The following PRKCB variants were observed in gnomAD, a reference collection of about 807,000 sequenced individuals.
PRKCB encodes protein kinase C beta.
Under a neutral mutation model 81.5 loss-of-function variants are expected in PRKCB, and 13 were observed. That is an observed-to-expected ratio of 0.16 (90% CI 0.10 to 0.25). The LOEUF is 0.25. Among genes scored for constraint, PRKCB ranks in the 10% least tolerant of loss-of-function variants. PRKCB has a pLI of 1.00. For missense variants in PRKCB, 509 were observed against 875.7 expected (o/e 0.58, Z 5.29); for synonymous variants, 335 against 321.4 (o/e 1.04, Z -0.45).
intron 2 of PRKCB, among the ~76,000 whole-genome samples, chr16:23,907,338 G>A (rs1230250613): frequency 6.6e-6 from 1 of 152,242 alleles, no homozygotes; most frequent in Non-Finnish European, 1.5e-5. Context: ...AGTGCATGAT[G>A]TGATCATAGC....
chr16:23,903,244 C>A (rs990509045), intron 2 of PRKCB, among the ~76,000 whole-genome samples: 3 of 146,014 alleles, frequency 2.1e-5, no homozygotes, highest in Non-Finnish European at 3.0e-5. Flanking sequence ...GAGTAGGATC[C>A]GGAAGGGAAC....
chr16:23,969,864 G>GGT (rs751356995), intron 2 of PRKCB, among the ~76,000 whole-genome samples: 9 of 151,764 alleles, frequency 5.9e-5, no homozygotes, highest in South Asian at 2.1e-4. Flanking sequence ...GTGATTGATA[G>GGT]GTGTGTGTGT....
chr16:23,837,339 G>T, intron 1 of PRKCB, 36 bp from the exon 2 acceptor site: 3 of 1,613,044 alleles, frequency 1.9e-6, no homozygotes, highest in Non-Finnish European at 2.5e-6. Flanking sequence ...TGGGCCCCCC[G>T]GGCTGCCTGA....
chr16:24,023,623 C>T (rs1965437939), intron 3 of PRKCB, among the ~76,000 whole-genome samples: 1 of 152,154 alleles, frequency 6.6e-6, no homozygotes, highest in Non-Finnish European at 1.5e-5. Context: ...CAGCCTCGGC[C>T]TCCCAAAGTG....
intron 2 of PRKCB, among the ~76,000 whole-genome samples, chr16:23,918,730 C>G (rs1963781244): frequency 6.6e-6 from 1 of 152,096 alleles, no homozygotes; most frequent in South Asian, 2.1e-4. Flanking sequence ...TGAAATGAAA[C>G]TAATATCTAA....
chr16:24,068,648 A>T (rs1327725511), intron 5 of PRKCB, among the ~76,000 whole-genome samples: 1 of 152,242 alleles, frequency 6.6e-6, no homozygotes, highest in Non-Finnish European at 1.5e-5. Context: ...AATATAAAAT[A>T]CAAAATAGAT....
chr16:24,112,890 T>C, intron 7 of PRKCB, 83 bp from the exon 8 acceptor site: 1 of 973,324 alleles, frequency 1.0e-6, no homozygotes, highest in Non-Finnish European at 1.6e-6. Flanking sequence ...GAGCTTTATA[T>C]AGGCCTCCTT....
intron 2 of PRKCB, among the ~76,000 whole-genome samples, chr16:23,889,264 G>A (rs778662893): frequency 6.6e-6 from 1 of 152,154 alleles, no homozygotes; most frequent in Non-Finnish European, 1.5e-5. Context: ...CACTCACCAA[G>A]CATGTGATCT....
At chr16:24,063,878 C>T (rs937683144) in intron 5 of PRKCB, among the ~76,000 whole-genome samples, 1 of 152,062 alleles carries the variant, frequency 6.6e-6, no homozygotes, top group Non-Finnish European at 1.5e-5. Context: ...CCTGAATGCC[C>T]GTTTTTGAAG....
intron 3 of PRKCB, among the ~76,000 whole-genome samples, chr16:24,026,281 C>G (rs2141850338): frequency 6.6e-6 from 1 of 152,308 alleles, no homozygotes; most frequent in African/African-American, 2.4e-5. Flanking sequence ...CATGACAGAG[C>G]AAGACCCTGT....
chr16:24,124,961 A>C (rs1245346410), intron 9 of PRKCB, among the ~76,000 whole-genome samples: 1 of 152,164 alleles, frequency 6.6e-6, no homozygotes, highest in South Asian at 2.1e-4. Flanking sequence ...ATACCACCCA[A>C]ATCTAATCAT....
At chr16:23,904,532 G>A (rs1269068672) in intron 2 of PRKCB, among the ~76,000 whole-genome samples, 1 of 152,080 alleles carries the variant, frequency 6.6e-6, no homozygotes, top group Non-Finnish European at 1.5e-5. Flanking sequence ...ACATGGTTGT[G>A]GGTGCCTGTG....
intron 2 of PRKCB, among the ~76,000 whole-genome samples, chr16:23,887,718 T>C (rs534900811): frequency 1.3e-5 from 2 of 152,366 alleles, no homozygotes; most frequent in South Asian, 4.1e-4. Flanking sequence ...TACCCAGTAA[T>C]GGGAATGCTG....
chr16:23,895,592 A>G (rs1021359296), intron 2 of PRKCB, among the ~76,000 whole-genome samples: 1 of 152,026 alleles, frequency 6.6e-6, no homozygotes, highest in Non-Finnish European at 1.5e-5. Context: ...ATGTACTTTT[A>G]TGTTATAGGA....
intron 16 of PRKCB, among the ~76,000 whole-genome samples, chr16:24,195,988 C>T (rs1181923527): frequency 6.6e-6 from 1 of 152,202 alleles, no homozygotes; most frequent in East Asian, 1.9e-4. Context: ...TGATCCCCAC[C>T]GTGCCTTGCC....
At chr16:24,070,482 C>A (rs1966094055) in intron 5 of PRKCB, among the ~76,000 whole-genome samples, 1 of 152,114 alleles carries the variant, frequency 6.6e-6, no homozygotes, top group African/African-American at 2.4e-5. Flanking sequence ...ATTTAAAAAT[C>A]ATTTATTAAG....
chr16:24,216,961 G>C lies in PRKCB; in HGVS notation c.*2145G>C. 1.6e-5 allele frequency: 16 copies of C among 985,428 alleles called. No individual in the cohort carries two copies. The highest frequency in any genetic ancestry group is 1.9e-5 in the Non-Finnish European group (16 of 829,944). 61.0% of individuals were successfully genotyped at this position (985,428 alleles called of 1,614,324 possible). On this transcript the variant is annotated 3_prime_UTR_variant, in exon 17 of 17. Coordinates refer to ENST00000643927, the MANE Select transcript of PRKCB (RefSeq NM_002738.7). ...AGGCCCACCAACAGGCCCTTATCTG[G>C]TGGTTGGATCATGATCCCATTTTGC...
chr16:24,086,925 CAA>C lies in PRKCB; in HGVS notation c.530-5863_530-5862del, dbSNP rs1328314072. On this transcript the variant is annotated intron_variant, in intron 5 of 16. Transcript: ENST00000643927. ...AAATTTTTTTATTCTGACATAATCTCAAAATGACAGAAAATTGCAATAACAGT... is the reference window on the plus strand; with the variant it reads ...AAATTTTTTTATTCTGACATAATCTCAATGACAGAAAATTGCAATAACAGT... Among the ~76,000 whole-genome samples, 4 of 152,078 alleles carry C rather than the reference CAA, an allele frequency of 2.6e-5. No individual in the cohort carries two copies. In the East Asian group the frequency reaches 7.7e-4, roughly 29 times the overall value.
chr16:23,988,429 T>A (rs1443787286), intron 2 of PRKCB, 79 bp from the exon 3 acceptor site: 2 of 1,146,690 alleles, frequency 1.7e-6, no homozygotes, highest in Non-Finnish European at 2.6e-6. Context: ...AGTTTAATGA[T>A]CTCTTCCTCC....
Sources: allele counts gnomAD v4.1 joint callset (sites outside exome capture counted in the v4.1 genomes callset), GRCh38; gene constraint gnomAD v4.1.1; transcripts MANE v1.5; gene names NCBI Gene and HGNC (gene_info 2026-07-23, HGNC 2026-07-21).